ZDHHC21: variants seen among roughly 807,000 people sequenced by gnomAD.
ZDHHC21 encodes the protein zDHHC palmitoyltransferase 21, also known as palmitoyltransferase ZDHHC21.
In ZDHHC21, 15 loss-of-function variants were observed where a neutral mutation model predicts 34.6. The ratio of observed to expected loss-of-function variants is 0.43; its 90% confidence interval spans 0.29 to 0.67. ZDHHC21 has a LOEUF of 0.67. Ranked by LOEUF, ZDHHC21 falls within the 30% of genes least tolerant of loss-of-function variation. ZDHHC21 has a pLI of 0.14. For synonymous variants in ZDHHC21, 142 were observed against 101.8 expected (o/e 1.40, Z -2.38); for missense variants, 344 against 327.7 (o/e 1.05, Z -0.38).
At chr9:14,689,477 A>C (rs1432300701) in intron 2 of ZDHHC21, among the ~76,000 whole-genome samples, 1 of 152,224 alleles carries the variant, frequency 6.6e-6, no homozygotes, top group Non-Finnish European at 1.5e-5. Context: ...TGGTTTCAAG[A>C]ATCCACTCTG....
chr9:14,622,166 T>C (rs1825423679), intron 8 of ZDHHC21, among the ~76,000 whole-genome samples: 1 of 152,094 alleles, frequency 6.6e-6, no homozygotes, highest in African/African-American at 2.4e-5. Flanking sequence ...TATCTAAGAC[T>C]TTCCTCAGTC....
intron 5 of ZDHHC21, among the ~76,000 whole-genome samples, chr9:14,666,407 T>C (rs1411304873): frequency 8.8e-6 from 1 of 113,014 alleles, no homozygotes; most frequent in Non-Finnish European, 2.0e-5. Context: ...ATGGGAGACT[T>C]TAACACCCCA....
At chr9:14,681,373 C>T (rs549099129) in intron 2 of ZDHHC21, among the ~76,000 whole-genome samples, 4 of 152,280 alleles carry the variant, frequency 2.6e-5, no homozygotes, top group African/African-American at 7.2e-5. Flanking sequence ...CTGGGTACCA[C>T]TGCAACCTAT....
chr9:14,614,689 A>T lies in ZDHHC21; in HGVS notation c.*4277T>A, dbSNP rs1188763859. ...TTAACAAACTTGGGCATTAAATAAC[A>T]CATTCATTAATCATACAGTTAATAC... On this transcript the variant is annotated 3_prime_UTR_variant, in exon 10 of 10. Coordinates refer to ENST00000380916, the MANE Select transcript of ZDHHC21 (RefSeq NM_178566.6). The T allele has an allele frequency of 4.0e-5, 6 of 151,782 alleles. No homozygotes were observed. Among genetic ancestry groups the T allele is most frequent in the Non-Finnish European group, 1.5e-5 (1 of 67,740 alleles). 9.4% of individuals were successfully genotyped at this position (151,782 alleles called of 1,614,324 possible).
the ZDHHC21 span, among the ~76,000 whole-genome samples, chr9:14,603,840 T>C: frequency 1.5e-4 from 23 of 152,172 alleles, no homozygotes; most frequent in African/African-American, 5.3e-4. Context: ...AGTAATGTGG[T>C]TTATCTCTGG....
At chr9:14,593,421 C>A in the ZDHHC21 span, among the ~76,000 whole-genome samples, 1 of 152,048 alleles carries the variant, frequency 6.6e-6, no homozygotes, top group East Asian at 1.9e-4. Context: ...CTAGAAAATA[C>A]ATAAATTTCC....
At position 14,616,133 on chromosome 9, in the gene ZDHHC21, A is replaced by C. The variant is rs1375578704; in HGVS notation, c.*2833T>G. The C allele has an allele frequency of 6.6e-6, 1 of 151,800 alleles. No individual in the cohort carries two copies. Among genetic ancestry groups the C allele is most frequent in the Non-Finnish European group, 1.5e-5 (1 of 67,772 alleles). 9.4% of individuals were successfully genotyped at this position (151,800 alleles called of 1,614,324 possible). On this transcript the variant is annotated 3_prime_UTR_variant, in exon 10 of 10. Coordinates refer to ENST00000380916, the MANE Select transcript of ZDHHC21 (RefSeq NM_178566.6). ...TTTCAAAACTGAGTAAAATAAACTA[A>C]ATGTAGTTTTTTAGATATTCATTAA...
At position 14,693,289 on chromosome 9, in the gene ZDHHC21, C is replaced by A. The variant is rs1019997590; in HGVS notation, c.-285G>T. On this transcript the variant is annotated 5_prime_UTR_variant, in exon 1 of 10. In the 5' UTR this introduces an upstream ATG that the reference lacks. Transcript: ENST00000380916. ...TCCCGACCGCCAGCAGCTCTTTCCC[C>A]TCCTCCTGCCGCGCCACCTCCGCCT... 2.4e-6 allele frequency: 1 copy of A among 419,610 alleles called. No individual in the cohort carries two copies. The highest frequency in any genetic ancestry group is 1.6e-5 in the South Asian group (1 of 61,000). The allele number at this position is 419,610 out of a possible 1,614,324, so 26.0% of individuals were successfully genotyped here.
At chr9:14,641,274 A>G (rs1017128064) in intron 7 of ZDHHC21, among the ~76,000 whole-genome samples, 4 of 152,176 alleles carry the variant, frequency 2.6e-5, no homozygotes, top group Non-Finnish European at 5.9e-5. Flanking sequence ...TCAGCAAGAC[A>G]CTTAAAACGT....
rs181412941 is a variant in ZDHHC21 at position 14,624,282 on chromosome 9, C to T, written c.622-4600G>A. ...AAGGAACAGGAGCCTCAATGGATTCCGATATCCCTGTGGGGTCCAGAAATC... is the reference window on the plus strand; with the variant it reads ...AAGGAACAGGAGCCTCAATGGATTCTGATATCCCTGTGGGGTCCAGAAATC... On this transcript the variant is annotated intron_variant, in intron 8 of 9. Transcript: ENST00000380916. Among the ~76,000 whole-genome samples, 7 of 152,048 alleles carry T rather than the reference C, an allele frequency of 4.6e-5. No individual in the cohort carries two copies. In the East Asian group the frequency reaches 5.8e-4, roughly 13 times the overall value.
intron 7 of ZDHHC21, among the ~76,000 whole-genome samples, chr9:14,649,048 A>C (rs1830759769): frequency 6.6e-6 from 1 of 151,978 alleles, no homozygotes; most frequent in Admixed American, 6.6e-5. Context: ...TGTGCATTGC[A>C]GAACATTTAG....
intron 6 of ZDHHC21, among the ~76,000 whole-genome samples, chr9:14,659,827 C>T (rs1022584828): frequency 6.6e-6 from 1 of 152,106 alleles, no homozygotes; most frequent in Non-Finnish European, 1.5e-5. Flanking sequence ...AGAAAATCTA[C>T]TGTGCTTTGT....
chr9:14,683,043 G>A (rs954974360), intron 2 of ZDHHC21, among the ~76,000 whole-genome samples: 1 of 152,170 alleles, frequency 6.6e-6, no homozygotes, highest in South Asian at 2.1e-4. Flanking sequence ...CCAGTGTGTA[G>A]AGCGAAATTT....
chr9:14,628,054 T>C lies in ZDHHC21; in HGVS notation c.622-8372A>G, dbSNP rs978140911. On this transcript the variant is annotated intron_variant, in intron 8 of 9. Transcript: ENST00000380916. ...AACATTTTTATTCCAATATAAATTG[T>C]AGTAAAAACGCACAAAAACGTATAT... Among the ~76,000 whole-genome samples the C allele has an allele frequency of 5.3e-5, 8 of 152,304 alleles. No individual in the cohort carries two copies. The East Asian group carries it at 1.2e-3, about 22-fold the overall frequency.
chr9:14,602,539 A>G, the ZDHHC21 span, among the ~76,000 whole-genome samples: 1 of 152,206 alleles, frequency 6.6e-6, no homozygotes, highest in African/African-American at 2.4e-5. Flanking sequence ...CACACCATAT[A>G]GTCAAACTGT....
At chr9:14,682,959 G>A (rs929876163) in intron 2 of ZDHHC21, among the ~76,000 whole-genome samples, 9 of 152,130 alleles carry the variant, frequency 5.9e-5, no homozygotes, top group Non-Finnish European at 5.9e-5. Context: ...ACGAAATGAA[G>A]GCAGAAATAA....
rs543088909 is a variant in ZDHHC21, at chr9:14,658,555, C to T, written c.504+194G>A. On this transcript the variant is annotated intron_variant, in intron 7 of 9. Transcript: ENST00000380916. ...GCGCAATCTCGGCTCACTGCAGGCTCCGCCCCCTGGGGTTCACGCCATTCT... is the reference window on the plus strand; with the variant it reads ...GCGCAATCTCGGCTCACTGCAGGCTTCGCCCCCTGGGGTTCACGCCATTCT... Among the ~76,000 whole-genome samples the T allele has an allele frequency of 1.1e-4, 14 of 127,976 alleles. No homozygotes were observed. The South Asian group carries it at 1.7e-3, about 15-fold the overall frequency. The allele number at this position is 127,976 out of a possible 152,430, so 84.0% of individuals were successfully genotyped here. A position where few individuals can be genotyped will look rare whatever the true frequency, so the allele number is the denominator to read the frequency against.
In ZDHHC21 at chr9:14,648,975, A is replaced by C. The variant is rs543462415; in HGVS notation, c.505-8963T>G. On this transcript the variant is annotated intron_variant, in intron 7 of 9. Coordinates refer to ENST00000380916, the MANE Select transcript of ZDHHC21 (RefSeq NM_178566.6). ...CTTTGTGATCTTCCTCCTACTGAAC[A>C]GTTTCTCAACCTCAGCACTACTGAC... 3.2e-4 allele frequency among the ~76,000 whole-genome samples: 48 copies of C among 151,960 alleles called. No individual in the cohort carries two copies. The South Asian group carries it at 4.4e-3, about 14-fold the overall frequency.
chr9:14,595,650 T>C, the ZDHHC21 span, among the ~76,000 whole-genome samples: 5,070 of 152,178 alleles, frequency 0.033, 123 homozygotes, highest in Non-Finnish European at 0.046. Flanking sequence ...TATAAATACA[T>C]CTGACAAAGG....
Sources: gnomAD v4.1 joint callset for allele counts (sites outside exome capture counted in the v4.1 genomes callset) on GRCh38, gnomAD v4.1.1 for gene constraint, MANE v1.5 for transcripts, NCBI Gene and HGNC (gene_info 2026-07-23, HGNC 2026-07-21) for gene names.